The following RNF125 variants were observed in gnomAD, a reference collection of about 807,000 sequenced individuals.
RNF125 encodes the protein E3 ubiquitin-protein ligase RNF125.
Under a neutral mutation model 26.0 loss-of-function variants are expected in RNF125, and 21 were observed. The observed-to-expected ratio is 0.81, with a 90% CI of 0.57 to 1.16. RNF125 has a LOEUF of 1.16. Ranked by LOEUF, RNF125 falls within the 50% of genes most tolerant of loss-of-function variation. RNF125 has a pLI of 0.00. For missense variants in RNF125, 270 were observed against 299.4 expected (o/e 0.90, Z 0.72); for synonymous variants, 95 against 109.2 (o/e 0.87, Z 0.81).
the RNF125 span, among the ~76,000 whole-genome samples, chr18:32,081,017 G>T: frequency 4.6e-5 from 7 of 151,946 alleles, no homozygotes; most frequent in African/African-American, 9.7e-5. Context: ...GAAACCCCGT[G>T]TCTACTAAAA....
chr18:32,028,159 A>G (rs2144440114), intron 1 of RNF125, among the ~76,000 whole-genome samples: 1 of 151,748 alleles, frequency 6.6e-6, no homozygotes, highest in Admixed American at 6.6e-5. Context: ...TTAGCCGGGC[A>G]TGGTGGCGGG....
the RNF125 span, among the ~76,000 whole-genome samples, chr18:32,081,570 G>A: frequency 1.3e-5 from 2 of 152,186 alleles, no homozygotes; most frequent in Admixed American, 6.5e-5. Flanking sequence ...TGAGTTACAA[G>A]TTATAGTTAG....
At chr18:32,066,726 A>G (rs998828519) in intron 5 of RNF125, among the ~76,000 whole-genome samples, 1 of 152,244 alleles carries the variant, frequency 6.6e-6, no homozygotes, top group Non-Finnish European at 1.5e-5. Flanking sequence ...TCTTAGGATT[A>G]AATGAGATAA....
chr18:32,083,073 T>C, the RNF125 span, among the ~76,000 whole-genome samples: 1 of 152,218 alleles, frequency 6.6e-6, no homozygotes, highest in Non-Finnish European at 1.5e-5. Context: ...TGCTTTACTT[T>C]ATTAATTCTG....
At chr18:32,056,203 A>G (rs2039381142) in intron 4 of RNF125, among the ~76,000 whole-genome samples, 1 of 151,916 alleles carries the variant, frequency 6.6e-6, no homozygotes. Context: ...GAAGAAGGAG[A>G]GATTTCGTAG....
intron 1 of RNF125, among the ~76,000 whole-genome samples, chr18:32,021,331 C>T (rs763967331): frequency 3.0e-4 from 45 of 152,218 alleles, no homozygotes; most frequent in Non-Finnish European, 5.0e-4. Flanking sequence ...CTGCCCGCCT[C>T]GGCCTCCCAA....
At chr18:32,087,019 G>A in the RNF125 span, among the ~76,000 whole-genome samples, 1 of 151,978 alleles carries the variant, frequency 6.6e-6, no homozygotes, top group South Asian at 2.1e-4. Flanking sequence ...ACAGCCTTTT[G>A]GTCATAACTG....
At chr18:32,081,193 G>GAC in the RNF125 span, among the ~76,000 whole-genome samples, 2 of 104,402 alleles carry the variant, frequency 1.9e-5, no homozygotes, top group African/African-American at 7.5e-5. Context: ...GACTACATCT[G>GAC]AAAAAAAAAA....
At chr18:32,037,363 C>CTT in intron 2 of RNF125, 94 bp downstream of exon 2, 1 of 314,368 alleles carries the variant, frequency 3.2e-6, no homozygotes, top group Non-Finnish European at 5.3e-6. Flanking sequence ...ATGGTACGCA[C>CTT]CTTTTTTTTT....
At chr18:32,082,470 T>C in the RNF125 span, among the ~76,000 whole-genome samples, 1 of 152,242 alleles carries the variant, frequency 6.6e-6, no homozygotes, top group African/African-American at 2.4e-5. Flanking sequence ...TTCAGGATGC[T>C]GTGAATTCAG....
chr18:32,066,046 T>C lies in RNF125; in HGVS notation c.612+37T>C, dbSNP rs776679153. On this transcript the variant is annotated intron_variant, in intron 5 of 5. Coordinates refer to ENST00000217740, the MANE Select transcript of RNF125 (RefSeq NM_017831.4). The stretch of plus-strand genomic sequence containing the variant: ...TTCTTATTTTTACATTATGTTTTCA[T>C]GCTGTCTTGTTAAGCTTACCTTTCC... The C allele has an allele frequency of 1.5e-5, 20 of 1,334,646 alleles. No homozygotes were observed. The Admixed American group carries it at 3.4e-4, about 23-fold the overall frequency. The allele number at this position is 1,334,646 out of a possible 1,614,324, so 82.7% of individuals were successfully genotyped here.
intron 4 of RNF125, among the ~76,000 whole-genome samples, chr18:32,061,439 C>G (rs2039434220): frequency 6.6e-6 from 1 of 152,188 alleles, no homozygotes. Flanking sequence ...TCAAGTCTAC[C>G]AAAACCATGT....
At chr18:32,076,768 A>G (rs1343205271), downstream of RNF125, among the ~76,000 whole-genome samples, 2 of 152,126 alleles carry the variant, frequency 1.3e-5, no homozygotes, top group Non-Finnish European at 2.9e-5. Flanking sequence ...AAACACACCA[A>G]ACTTACAGTG....
chr18:32,045,568 A>G lies in RNF125; in HGVS notation c.414-74A>G, dbSNP rs532515553. The G allele has an allele frequency of 2.4e-4, 254 of 1,056,256 alleles. 4 individuals carry two copies. Among genetic ancestry groups the G allele is most frequent in the Middle Eastern group, 8.6e-4 (4 of 4,642 alleles). The allele number at this position is 1,056,256 out of a possible 1,614,324, so 65.4% of individuals were successfully genotyped here. A position where few individuals can be genotyped will look rare whatever the true frequency, so the allele number is the denominator to read the frequency against. ...AGAGCAAGACTCTTGTCTCAAAAAAAAAAAGAAAAAAAAAGTGACTACTAT... is the reference window on the plus strand; with the variant it reads ...AGAGCAAGACTCTTGTCTCAAAAAAGAAAAGAAAAAAAAAGTGACTACTAT... On this transcript the variant is annotated intron_variant, in intron 3 of 5. Coordinates refer to ENST00000217740, the MANE Select transcript of RNF125 (RefSeq NM_017831.4).
Position 32,037,134 on chromosome 18 carries a change from T to C in RNF125, c.183T>C (p.Ile61=). 6.2e-7 allele frequency: 1 copy of C among 1,604,936 alleles called. No homozygotes were observed. Among genetic ancestry groups the C allele is most frequent in the Non-Finnish European group, 8.5e-7 (1 of 1,176,924 alleles). The change falls in exon 2 of 6, where the codon ATT becomes ATC. Residue 61 remains isoleucine, a synonymous_variant. Transcript: ENST00000217740. ...RCGHVFCRSC[I]ATSLKNNKWT... ...GGGGTAGATTCTGCCGTTCCTGTAT[T>C]GCTACCAGTCTAAAGAACAACAAGT...
At chr18:32,062,647 A>G (rs1447405721) in intron 4 of RNF125, among the ~76,000 whole-genome samples, 1 of 152,230 alleles carries the variant, frequency 6.6e-6, no homozygotes, top group East Asian at 1.9e-4. Context: ...ACCTCATTTA[A>G]ATAAAGAAAA....
At chr18:32,087,844 G>A in the RNF125 span, among the ~76,000 whole-genome samples, 2 of 152,196 alleles carry the variant, frequency 1.3e-5, no homozygotes, top group East Asian at 1.9e-4. Flanking sequence ...TTCCCTCAGG[G>A]GTGAACTTTA....
At chr18:32,059,219 C>T (rs2039413494) in intron 4 of RNF125, among the ~76,000 whole-genome samples, 1 of 152,168 alleles carries the variant, frequency 6.6e-6, no homozygotes, top group African/African-American at 2.4e-5. Context: ...AGTAGTTGTA[C>T]TAATTTACAT....
chr18:32,064,706 A>G (rs951131641), intron 4 of RNF125, among the ~76,000 whole-genome samples: 1 of 152,092 alleles, frequency 6.6e-6, no homozygotes, highest in Non-Finnish European at 1.5e-5. Context: ...TATTTTTAGT[A>G]GAGACAGGGT....
Sources: gnomAD v4.1 joint callset for allele counts (sites outside exome capture counted in the v4.1 genomes callset) on GRCh38, gnomAD v4.1.1 for gene constraint, MANE v1.5 for transcripts, NCBI Gene and HGNC (gene_info 2026-07-23, HGNC 2026-07-21) for gene names.